SMARCAL1: variants seen among roughly 807,000 people sequenced by gnomAD.
SMARCAL1 encodes ATP-driven annealing helicase.
SMARCAL1 carries 58 observed loss-of-function variants against 94.5 expected under a neutral mutation model. The observed-to-expected ratio is 0.61, with a 90% confidence interval of 0.50 to 0.76. The LOEUF is 0.76. SMARCAL1 is among the 30% of genes least tolerant of loss of function. SMARCAL1 has a pLI of 0.00. For synonymous variants in SMARCAL1, 422 were observed against 455.1 expected (o/e 0.93, Z 0.93); for missense variants, 1,051 against 1,177.9 (o/e 0.89, Z 1.58).
In SMARCAL1 at chr2:216,435,318, T is replaced by G. The variant is rs776671714; in HGVS notation, c.1486-20T>G. ...GTGCTGGGTGGTCATTGTAGCTTTG[T>G]TCCCTCCTGTCATCCACAGGCCTTC... On this transcript the variant is annotated intron_variant, in intron 8 of 17. Transcript: ENST00000357276. 4.6e-5 allele frequency: 74 copies of G among 1,613,794 alleles called. No homozygotes were observed. Among genetic ancestry groups the G allele is most frequent in the Non-Finnish European group, 6.1e-5 (72 of 1,179,914 alleles).
chr2:216,434,340 A>G (rs1021498270), intron 8 of SMARCAL1, among the ~76,000 whole-genome samples: 1 of 152,170 alleles, frequency 6.6e-6, no homozygotes, highest in East Asian at 1.9e-4. Flanking sequence ...CAGAGAGAGA[A>G]GGTAGATTTG....
intron 9 of SMARCAL1, 130 bp downstream of exon 9, chr2:216,435,626 C>T: frequency 1.2e-6 from 1 of 837,520 alleles, no homozygotes. Context: ...AAATCACTGT[C>T]TTTATTTTGT....
intron 6 of SMARCAL1, among the ~76,000 whole-genome samples, chr2:216,424,529 G>A (rs544501249): frequency 6.6e-6 from 1 of 152,178 alleles, no homozygotes; most frequent in Non-Finnish European, 1.5e-5. Context: ...AGCCAACCCT[G>A]GGAGCTCTGA....
At chr2:216,428,557 T>C (rs750718632) in intron 6 of SMARCAL1, 39 bp from the exon 7 acceptor site, 42 of 1,602,984 alleles carry the variant, frequency 2.6e-5, no homozygotes, top group Non-Finnish European at 3.6e-5. Context: ...CTTTTGGGCA[T>C]GAACACTCCA....
At chr2:216,464,460 A>G (rs771309663) in intron 12 of SMARCAL1, 137 bp from the exon 13 acceptor site, 10 of 772,496 alleles carry the variant, frequency 1.3e-5, no homozygotes, top group Non-Finnish European at 1.9e-5. Context: ...AAGGGGAATC[A>G]TTGTCAGCAC....
chr2:216,421,196 CG>C (rs1457345705), intron 5 of SMARCAL1, among the ~76,000 whole-genome samples: 1 of 152,074 alleles, frequency 6.6e-6, no homozygotes, highest in Admixed American at 6.5e-5. Context: ...TGGACATTGT[CG>C]GGGTGTTTTT....
intron 12 of SMARCAL1, among the ~76,000 whole-genome samples, chr2:216,460,331 A>T (rs1694666738): frequency 6.6e-6 from 1 of 152,238 alleles, no homozygotes; most frequent in Non-Finnish European, 1.5e-5. Context: ...CCATCCCATT[A>T]CTGGGTATAT....
intron 8 of SMARCAL1, among the ~76,000 whole-genome samples, chr2:216,433,922 CAA>C (rs756621464): frequency 8.0e-6 from 1 of 125,310 alleles, no homozygotes; most frequent in Non-Finnish European, 1.7e-5. Flanking sequence ...GAAGAGATGG[CAA>C]AAAAAAAAAA....
At chr2:216,412,670 A>C (rs1320453468) in intron 1 of SMARCAL1, 22 bp downstream of exon 1, 1 of 153,676 alleles carries the variant, frequency 6.5e-6, no homozygotes, top group Non-Finnish European at 1.4e-5. Flanking sequence ...GTAGACTGGC[A>C]GGAAGGCGGC....
chr2:216,423,618 T>C lies in SMARCAL1; in HGVS notation c.1097-15T>C, dbSNP rs377533846. On this transcript the variant is annotated splice_polypyrimidine_tract_variant and intron_variant, in intron 5 of 17. Transcript: ENST00000357276. Reference sequence around the variant, plus strand: ...CAGGGTGTCCTATTTGCTTATTTATTTCTTGTCATTGCAGATGTCAAGACC... The same window carrying C: ...CAGGGTGTCCTATTTGCTTATTTATCTCTTGTCATTGCAGATGTCAAGACC... 1 of 1,611,410 alleles carries C rather than the reference T, an allele frequency of 6.2e-7. No homozygotes were observed. Among genetic ancestry groups the C allele is most frequent in the South Asian group, 1.1e-5 (1 of 91,024 alleles).
intron 12 of SMARCAL1, among the ~76,000 whole-genome samples, chr2:216,464,075 A>G (rs1694774318): frequency 6.6e-6 from 1 of 152,212 alleles, no homozygotes; most frequent in Admixed American, 6.5e-5. Flanking sequence ...AAATAAAATG[A>G]TAGTAAAATA....
At chr2:216,481,118 A>C (rs1695186652) in intron 17 of SMARCAL1, among the ~76,000 whole-genome samples, 1 of 152,152 alleles carries the variant, frequency 6.6e-6, no homozygotes, top group African/African-American at 2.4e-5. Flanking sequence ...TAGACTATAA[A>C]AACTAGACTT....
chr2:216,414,934 G>A lies in SMARCAL1; in HGVS notation c.230G>A (p.Ser77Asn). 6.2e-7 allele frequency: 1 copy of A among 1,614,182 alleles called. No individual in the cohort carries two copies. The highest frequency in any genetic ancestry group is 2.2e-5 in the East Asian group (1 of 44,888). ...HGVIFKQQNL[S>N]SSSNADQRPH... ...GTCATTTTCAAGCAACAGAATCTCA[G>A]TAGCTCATCTAATGCTGACCAAAGA... The change falls in exon 3 of 18, where the codon AGT (serine) becomes AAT (asparagine). Residue 77 changes from serine (S) to asparagine (N), a missense_variant. This residue lies in a region of SMARCAL1 where 398 missense variants were observed against 395.2 expected (regional missense o/e 1.01). Transcript: ENST00000357276.
intron 13 of SMARCAL1, among the ~76,000 whole-genome samples, chr2:216,464,922 G>T (rs1322145024): frequency 6.6e-6 from 1 of 152,248 alleles, no homozygotes; most frequent in East Asian, 1.9e-4. Context: ...AAGGTGGGAG[G>T]ATTGCTTGAG....
rs1574447591 is a variant in SMARCAL1, at chr2:216,420,191, C to T, written c.863-108C>T. 4.5e-6 allele frequency: 4 copies of T among 883,488 alleles called. No homozygotes were observed. The South Asian group carries it at 5.7e-5, about 13-fold the overall frequency. 54.7% of individuals were successfully genotyped at this position (883,488 alleles called of 1,614,324 possible). On this transcript the variant is annotated intron_variant, in intron 4 of 17. Coordinates refer to ENST00000357276, the MANE Select transcript of SMARCAL1 (RefSeq NM_014140.4). ...TGCCTTCCTGCCAAACCTAGTGCCTCTTGACCATGTCCCTTCCCCACTTTC... is the reference window on the plus strand; with the variant it reads ...TGCCTTCCTGCCAAACCTAGTGCCTTTTGACCATGTCCCTTCCCCACTTTC...
chr2:216,442,712 C>T (rs992433449), intron 10 of SMARCAL1, among the ~76,000 whole-genome samples: 2 of 152,180 alleles, frequency 1.3e-5, no homozygotes, highest in African/African-American at 4.8e-5. Flanking sequence ...CTACCGCATT[C>T]TTGCAAATAG....
chr2:216,445,033 T>C (rs1694276812), intron 10 of SMARCAL1, among the ~76,000 whole-genome samples: 1 of 152,238 alleles, frequency 6.6e-6, no homozygotes, highest in Non-Finnish European at 1.5e-5. Flanking sequence ...CAGAAAGTAT[T>C]TTTTTACATT....
At chr2:216,474,420 A>G (rs1300569874) in intron 14 of SMARCAL1, among the ~76,000 whole-genome samples, 3 of 139,974 alleles carry the variant, frequency 2.1e-5, no homozygotes, top group Non-Finnish European at 3.1e-5. Context: ...GATTACAGGC[A>G]TGAGCCACTG....
chr2:216,452,677 T>C (rs1694475141), intron 12 of SMARCAL1, among the ~76,000 whole-genome samples: 1 of 152,068 alleles, frequency 6.6e-6, no homozygotes, highest in South Asian at 2.1e-4. Flanking sequence ...GAAAAGCACA[T>C]TAACTTGTTG....
Sources: gnomAD v4.1 joint callset for allele counts (sites outside exome capture counted in the v4.1 genomes callset) on GRCh38, gnomAD v4.1.1 for gene constraint, gnomAD v4.1.1 regional missense constraint, MANE v1.5 for transcripts, NCBI Gene and HGNC (gene_info 2026-07-23, HGNC 2026-07-21) for gene names.